Variants in GLI2 observed in about 807,000 individuals in gnomAD.
GLI2 encodes GLI family zinc finger 2, also known as transcription activator GLI2.
Under a neutral mutation model 78.9 loss-of-function variants are expected in GLI2, and 22 were observed. The observed-to-expected ratio is 0.28, with a 90% CI of 0.20 to 0.40. GLI2 has a LOEUF of 0.40. Ranked by LOEUF, GLI2 falls within the 10% of genes least tolerant of loss-of-function variation. GLI2 has a pLI of 1.00. For missense variants in GLI2, 2,097 were observed against 2,213.2 expected, an observed-to-expected ratio of 0.95 and a Z score of 1.05; for synonymous variants, 974 against 963.7, an observed-to-expected ratio of 1.01 and a Z score of -0.20.
At chr2:120,806,750 A>C (rs1245677086) in intron 2 of GLI2, among the ~76,000 whole-genome samples, 1 of 152,190 alleles carries the variant, frequency 6.6e-6, no homozygotes, top group East Asian at 1.9e-4. Flanking sequence ...GCTCCACTGA[A>C]GTCTCTTTGA....
At chr2:120,848,466 C>G (rs11886489) in intron 2 of GLI2, among the ~76,000 whole-genome samples, 22,258 of 152,156 alleles carry the variant, frequency 0.15, 1,776 homozygotes, top group Middle Eastern at 0.26. Flanking sequence ...GTCGCCTCAG[C>G]CTTTCTCTTT....
At chr2:120,815,054 C>T (rs1023383186) in intron 2 of GLI2, among the ~76,000 whole-genome samples, 1 of 152,114 alleles carries the variant, frequency 6.6e-6, no homozygotes, top group Admixed American at 6.5e-5. Context: ...CCCAGCTAAG[C>T]CTTTTAGAAT....
chr2:120,901,372 TGGA>T (rs1194372456), intron 2 of GLI2, among the ~76,000 whole-genome samples: 1 of 152,228 alleles, frequency 6.6e-6, no homozygotes, highest in Non-Finnish European at 1.5e-5. Context: ...GAAAATTGAG[TGGA>T]GCTGGATTGC....
intron 2 of GLI2, among the ~76,000 whole-genome samples, chr2:120,903,621 G>A (rs757320931): frequency 6.6e-5 from 10 of 152,208 alleles, no homozygotes; most frequent in Non-Finnish European, 1.2e-4. Context: ...GACTTAGCTC[G>A]CTGGTCCTTT....
At chr2:120,924,761 G>A (rs1184877283) in intron 2 of GLI2, among the ~76,000 whole-genome samples, 3 of 152,194 alleles carry the variant, frequency 2.0e-5, no homozygotes, top group Non-Finnish European at 2.9e-5. Context: ...CAACCAGTAT[G>A]AGCCAGTTTT....
rs1393445833 is a variant in GLI2 at position 120,881,842 on chromosome 2, A to G, written c.149-45519A>G. Reference sequence around the variant, plus strand: ...TCGTGGGGACAGTAGAGGGCAAGACAGGTGGGAGAGGGGCATGTGGGAAGG... The same window carrying G: ...TCGTGGGGACAGTAGAGGGCAAGACGGGTGGGAGAGGGGCATGTGGGAAGG... On this transcript the variant is annotated intron_variant, in intron 2 of 13. Coordinates refer to ENST00000361492, the MANE Select transcript of GLI2 (RefSeq NM_001374353.1). Among the ~76,000 whole-genome samples, 5 of 147,124 alleles carry G rather than the reference A, an allele frequency of 3.4e-5. No homozygotes were observed. The East Asian group carries it at 1.0e-3, about 30-fold the overall frequency.
At chr2:120,935,186 G>A (rs1680136167) in intron 3 of GLI2, among the ~76,000 whole-genome samples, 3 of 152,166 alleles carry the variant, frequency 2.0e-5, no homozygotes, top group Non-Finnish European at 2.9e-5. Context: ...CTGCCCCCTG[G>A]GATGAGATGC....
chr2:120,814,111 G>A (rs1017938122), intron 2 of GLI2, among the ~76,000 whole-genome samples: 1 of 152,052 alleles, frequency 6.6e-6, no homozygotes, highest in Non-Finnish European at 1.5e-5. Context: ...CCAATTGCTG[G>A]CAGTGCCCCA....
At chr2:120,829,980 T>C (rs1412558031) in intron 2 of GLI2, among the ~76,000 whole-genome samples, 1 of 152,174 alleles carries the variant, frequency 6.6e-6, no homozygotes, top group Non-Finnish European at 1.5e-5. Context: ...TGTGTGTGTA[T>C]ATATGTGCAC....
intron 2 of GLI2, among the ~76,000 whole-genome samples, chr2:120,810,967 C>T (rs981601141): frequency 9.2e-5 from 14 of 152,156 alleles, no homozygotes; most frequent in Admixed American, 2.6e-4. Context: ...TGTCTCATTC[C>T]GGGTGATTCC....
At chr2:120,848,538 T>G (rs1235624578) in intron 2 of GLI2, among the ~76,000 whole-genome samples, 1 of 152,224 alleles carries the variant, frequency 6.6e-6, no homozygotes, top group Non-Finnish European at 1.5e-5. Context: ...TTTTCATTGT[T>G]CATCCTATTC....
chr2:120,925,452 A>G (rs1313115896), intron 2 of GLI2, among the ~76,000 whole-genome samples: 2 of 152,246 alleles, frequency 1.3e-5, no homozygotes. Flanking sequence ...AATGTGGTCT[A>G]TCCAATACAA....
chr2:120,906,313 G>A (rs375243867), intron 2 of GLI2, among the ~76,000 whole-genome samples: 1 of 152,158 alleles, frequency 6.6e-6, no homozygotes, highest in Non-Finnish European at 1.5e-5. Context: ...CACACATCAG[G>A]CCCGGAGCCC....
At chr2:120,933,710 A>C (rs1022851368) in intron 3 of GLI2, among the ~76,000 whole-genome samples, 1 of 152,204 alleles carries the variant, frequency 6.6e-6, no homozygotes, top group African/African-American at 2.4e-5. Flanking sequence ...GTGGTCACAC[A>C]AGCATGAGTC....
intron 2 of GLI2, among the ~76,000 whole-genome samples, chr2:120,852,052 G>A (rs1687430383): frequency 1.3e-5 from 2 of 152,212 alleles, no homozygotes; most frequent in African/African-American, 4.8e-5. Flanking sequence ...TGGAAAGGCA[G>A]GCCAGAGGTG....
rs1682384064 is a variant in GLI2 at position 120,737,003 on chromosome 2, C to A, written c.-31+718C>A. 6.6e-6 allele frequency among the ~76,000 whole-genome samples: 1 copy of A among 152,094 alleles called. No homozygotes were observed. The highest frequency in any genetic ancestry group is 2.1e-4 in the South Asian group (1 of 4,828). ...GTTCCCCCTTCCACCTCACTTTCATCCCTGCCCCCCTACTCATCGTCTCTC... is the reference window on the plus strand; with the variant it reads ...GTTCCCCCTTCCACCTCACTTTCATACCTGCCCCCCTACTCATCGTCTCTC... On this transcript the variant is annotated intron_variant, in intron 1 of 13. Coordinates refer to ENST00000361492, the MANE Select transcript of GLI2 (RefSeq NM_001374353.1). This position sits in a 1 kb window ranked among gnomAD's most constrained non-coding sequence, Gnocchi z 4.3.
chr2:120,895,690 G>A (rs920179945), intron 2 of GLI2, among the ~76,000 whole-genome samples: 5 of 152,088 alleles, frequency 3.3e-5, no homozygotes, highest in Admixed American at 6.5e-5. Context: ...GTGACAGAGC[G>A]AGACTCCGTC....
intron 2 of GLI2, among the ~76,000 whole-genome samples, chr2:120,809,617 G>A (rs887224684): frequency 6.6e-6 from 1 of 152,154 alleles, no homozygotes; most frequent in Non-Finnish European, 1.5e-5. Context: ...GGCGCCTGTG[G>A]CGGCATGGGG....
chr2:120,992,345 A>G lies in GLI2; in HGVS notation c.*1670A>G, dbSNP rs1683322734. 6.6e-6 allele frequency: 1 copy of G among 152,206 alleles called. No individual in the cohort carries two copies. The highest frequency in any genetic ancestry group is 6.5e-5 in the Admixed American group (1 of 15,276). The allele number at this position is 152,206 out of a possible 1,614,324, so 9.4% of individuals were successfully genotyped here. ...CAGTCCCAACCTGTATATATTCTGT[A>G]CAGAAGACATCCCTGAATATACTGT... On this transcript the variant is annotated 3_prime_UTR_variant, in exon 14 of 14. Coordinates refer to ENST00000361492, the MANE Select transcript of GLI2 (RefSeq NM_001374353.1).
Sources: gnomAD v4.1 joint callset for allele counts (sites outside exome capture counted in the v4.1 genomes callset) on GRCh38, gnomAD v4.1.1 for gene constraint, Gnocchi (gnomAD v3.1) non-coding constraint, MANE v1.5 for transcripts, NCBI Gene and HGNC (gene_info 2026-07-23, HGNC 2026-07-21) for gene names.